The following CTNND2 variants were observed in gnomAD, a reference collection of about 807,000 sequenced individuals.
CTNND2 encodes catenin delta 2.
CTNND2 carries 22 observed loss-of-function variants against 144.4 expected under a neutral mutation model. The ratio of observed to expected loss-of-function variants is 0.15; its 90% CI spans 0.11 to 0.22. The LOEUF is 0.22. CTNND2 is among the 10% of genes least tolerant of loss of function. The probability of loss-of-function intolerance (pLI) is 1.00; values close to 1 mark genes in which losing one functional copy is unlikely to be tolerated. For missense variants in CTNND2, 1,353 were observed against 1,618.8 expected (o/e 0.84, Z 2.82); for synonymous variants, 751 against 695.6 (o/e 1.08, Z -1.25).
chr5:11,247,928 G>GA (rs1743169351), intron 9 of CTNND2, among the ~76,000 whole-genome samples: 1 of 151,858 alleles, frequency 6.6e-6, no homozygotes, highest in African/African-American at 2.4e-5. Context: ...CTACAAAATG[G>GA]AAAAAATAAC....
intron 8 of CTNND2, among the ~76,000 whole-genome samples, chr5:11,352,124 T>C (rs1580988661): frequency 6.6e-6 from 1 of 152,346 alleles, no homozygotes; most frequent in African/African-American, 2.4e-5. Context: ...AATAATTGCA[T>C]ACATTACTAT....
At chr5:11,538,178 G>A (rs753110810) in intron 3 of CTNND2, among the ~76,000 whole-genome samples, 20 of 152,104 alleles carry the variant, frequency 1.3e-4, no homozygotes, top group Non-Finnish European at 2.5e-4. Context: ...GAATAGCCTC[G>A]AAGTCTACAG....
chr5:10,992,482 G>A (rs1014699464), intron 19 of CTNND2, 69 bp downstream of exon 19: 9 of 1,607,194 alleles, frequency 5.6e-6, no homozygotes, highest in East Asian at 2.2e-5. Flanking sequence ...GTTGGCTCAC[G>A]GACTGGGAAG....
chr5:11,520,768 A>C (rs1379834252), intron 3 of CTNND2, among the ~76,000 whole-genome samples: 1 of 152,148 alleles, frequency 6.6e-6, no homozygotes, highest in African/African-American at 2.4e-5. Context: ...GGCAGCCCCA[A>C]TTTCTTAGCA....
intron 2 of CTNND2, among the ~76,000 whole-genome samples, chr5:11,671,674 C>T (rs549268247): frequency 1.2e-4 from 18 of 151,882 alleles, no homozygotes; most frequent in African/African-American, 4.1e-4. Context: ...GTTAGCAATT[C>T]GTCTAACCTT....
At chr5:11,667,282 A>G (rs1783620970) in intron 2 of CTNND2, among the ~76,000 whole-genome samples, 1 of 152,154 alleles carries the variant, frequency 6.6e-6, no homozygotes, top group Non-Finnish European at 1.5e-5. Flanking sequence ...GTATATACCC[A>G]CTAATGGGAC....
At chr5:11,007,451 C>T (rs1347619389) in intron 18 of CTNND2, among the ~76,000 whole-genome samples, 2 of 152,250 alleles carry the variant, frequency 1.3e-5, no homozygotes. Flanking sequence ...TCGGGAACTG[C>T]TGGCAGCCTG....
chr5:11,194,586 C>T (rs1736667878), intron 11 of CTNND2, among the ~76,000 whole-genome samples: 1 of 152,120 alleles, frequency 6.6e-6, no homozygotes, highest in Non-Finnish European at 1.5e-5. Context: ...GCTTCACCGA[C>T]ATGCAGAGAG....
At chr5:11,845,588 G>A (rs993024089) in intron 1 of CTNND2, among the ~76,000 whole-genome samples, 1 of 152,122 alleles carries the variant, frequency 6.6e-6, no homozygotes, top group Non-Finnish European at 1.5e-5. Flanking sequence ...CCAGAAACCT[G>A]GAAGAACAGA....
chr5:11,591,399 A>G lies in CTNND2; in HGVS notation c.175-26343T>C, dbSNP rs138002678. 3.7e-3 allele frequency among the ~76,000 whole-genome samples: 558 copies of G among 152,312 alleles called. 3 individuals are homozygous for G. Among genetic ancestry groups the G allele is most frequent in the African/African-American group, 0.013 (527 of 41,572 alleles). On this transcript the variant is annotated intron_variant, in intron 2 of 21. Transcript: ENST00000304623. ...AGGTGAGAACTATTGTAAAAATAAC[A>G]ACCCATACATTAGCTCCTAGTTATC...
intron 9 of CTNND2, among the ~76,000 whole-genome samples, chr5:11,333,698 C>T (rs998140747): frequency 2.6e-5 from 4 of 152,210 alleles, no homozygotes; most frequent in African/African-American, 7.2e-5. Flanking sequence ...TGCTTCACCA[C>T]GTCTGGGAGC....
intron 1 of CTNND2, among the ~76,000 whole-genome samples, chr5:11,877,557 T>C (rs930148258): frequency 6.6e-6 from 1 of 151,198 alleles, no homozygotes; most frequent in Non-Finnish European, 1.5e-5. Context: ...TTTTAAGCTG[T>C]GTTACCAATA....
intron 9 of CTNND2, among the ~76,000 whole-genome samples, chr5:11,294,733 A>G (rs1748717752): frequency 6.6e-6 from 1 of 152,236 alleles, no homozygotes; most frequent in Admixed American, 6.5e-5. Flanking sequence ...GACAAAAACC[A>G]CATGATTATC....
At chr5:11,359,862 T>C (rs1055509877) in intron 8 of CTNND2, among the ~76,000 whole-genome samples, 2 of 152,192 alleles carry the variant, frequency 1.3e-5, no homozygotes. Flanking sequence ...ATGGCATGCC[T>C]GTTCAGCTTC....
chr5:11,031,760 C>T (rs1202287758), intron 16 of CTNND2, among the ~76,000 whole-genome samples: 1 of 152,166 alleles, frequency 6.6e-6, no homozygotes, highest in Non-Finnish European at 1.5e-5. Flanking sequence ...CTTGCTGAAC[C>T]TTCTGGCTTT....
chr5:11,200,914 C>A (rs961060315), intron 10 of CTNND2, among the ~76,000 whole-genome samples: 2 of 147,284 alleles, frequency 1.4e-5, no homozygotes, highest in African/African-American at 5.3e-5. Context: ...CTCCTGACCT[C>A]GTGATCCGCC....
chr5:11,400,016 T>C (rs555756616), intron 5 of CTNND2, among the ~76,000 whole-genome samples: 1 of 152,378 alleles, frequency 6.6e-6, no homozygotes, highest in African/African-American at 2.4e-5. Flanking sequence ...TAAATGTAAC[T>C]AACTTTCAAT....
intron 1 of CTNND2, among the ~76,000 whole-genome samples, chr5:11,839,956 T>A (rs867396285): frequency 1.9e-4 from 29 of 152,316 alleles, no homozygotes; most frequent in Middle Eastern, 6.8e-3. Flanking sequence ...AAAACCACCA[T>A]AAAGAGACAT....
At chr5:11,349,735 T>C (rs375992529) in intron 8 of CTNND2, among the ~76,000 whole-genome samples, 121 of 152,302 alleles carry the variant, frequency 7.9e-4, no homozygotes, top group African/African-American at 2.6e-3. Flanking sequence ...ATTTACACTA[T>C]TTCTCATTAC....
Sources: gnomAD v4.1 joint callset for allele counts (sites outside exome capture counted in the v4.1 genomes callset) on GRCh38, gnomAD v4.1.1 for gene constraint, MANE v1.5 for transcripts, NCBI Gene and HGNC (gene_info 2026-07-23, HGNC 2026-07-21) for gene names.